The following SGPP2 variants were observed in gnomAD, a reference collection of about 807,000 sequenced individuals.
SGPP2 encodes sphingosine-1-phosphate phosphatase 2.
In SGPP2, 30 loss-of-function variants were observed where a neutral mutation model predicts 33.9. That is an observed-to-expected ratio of 0.89 (90% CI 0.66 to 1.20). The LOEUF (loss-of-function observed/expected upper bound fraction) is 1.20, where lower values mean the gene tolerates loss of function less well. Ranked by LOEUF, SGPP2 falls within the 50% of genes most tolerant of loss-of-function variation. SGPP2 has a pLI of 0.00. For missense variants in SGPP2, 458 were observed against 532.1 expected (o/e 0.86, Z 1.37); for synonymous variants, 233 against 225.0 (o/e 1.04, Z -0.32).
At chr2:222,432,793 G>A (rs1040437414) in intron 1 of SGPP2, among the ~76,000 whole-genome samples, 1 of 152,110 alleles carries the variant, frequency 6.6e-6, no homozygotes, top group Non-Finnish European at 1.5e-5. Flanking sequence ...AGGCAAAGGC[G>A]GGTGGATCAC....
At chr2:222,444,837 GT>G (rs1261819536) in intron 1 of SGPP2, among the ~76,000 whole-genome samples, 3 of 152,174 alleles carry the variant, frequency 2.0e-5, no homozygotes, top group East Asian at 1.9e-4. Flanking sequence ...AATCTTTGGA[GT>G]TTTTTTTATT....
At chr2:222,553,641 G>A (rs1426479724) in intron 4 of SGPP2, among the ~76,000 whole-genome samples, 1 of 152,200 alleles carries the variant, frequency 6.6e-6, no homozygotes, top group Non-Finnish European at 1.5e-5. Context: ...ATAACCATCA[G>A]GGCAGTGTGG....
rs536385497 is a variant in SGPP2, at chr2:222,520,699, C to G, written c.379-1068C>G. 1.2e-4 allele frequency among the ~76,000 whole-genome samples: 18 copies of G among 146,142 alleles called. No individual in the cohort carries two copies. In the Admixed American group the frequency reaches 1.3e-3, roughly 10 times the overall value. The stretch of plus-strand genomic sequence containing the variant: ...GTGCCGGGTGCAGTGTGCATTCCAG[C>G]CTGGGTGACAGAGTGAGACTCTGAA... On this transcript the variant is annotated intron_variant, in intron 2 of 4. Coordinates refer to ENST00000321276, the MANE Select transcript of SGPP2 (RefSeq NM_152386.4).
chr2:222,447,049 A>G (rs369359344), intron 1 of SGPP2, among the ~76,000 whole-genome samples: 16 of 152,200 alleles, frequency 1.1e-4, no homozygotes, highest in Admixed American at 5.2e-4. Context: ...CAGCTGCTCC[A>G]CAATATCATC....
At chr2:222,424,491 C>T (rs1409241741), upstream of SGPP2, 1 of 736,872 alleles carries the variant, frequency 1.4e-6, no homozygotes, top group Non-Finnish European at 1.8e-6. Context: ...CCCCGCCCGC[C>T]CGGCCTCCGC....
chr2:222,525,451 G>T (rs1037606157), intron 4 of SGPP2, among the ~76,000 whole-genome samples: 1 of 152,110 alleles, frequency 6.6e-6, no homozygotes, highest in African/African-American at 2.4e-5. Context: ...GCAAGGTAAG[G>T]GTCCCACCAG....
chr2:222,442,883 C>T (rs1697347364), intron 1 of SGPP2, among the ~76,000 whole-genome samples: 1 of 152,130 alleles, frequency 6.6e-6, no homozygotes, highest in South Asian at 2.1e-4. Context: ...AAGATTCAGA[C>T]CGCAAGCTCA....
chr2:222,497,684 T>C (rs1698303178), intron 2 of SGPP2, among the ~76,000 whole-genome samples: 2 of 152,232 alleles, frequency 1.3e-5, no homozygotes, highest in South Asian at 4.1e-4. Context: ...TACATTATTA[T>C]GTCAAGTGGT....
rs1462286161 is a variant in SGPP2 at position 222,551,067 on chromosome 2, A to G, written c.649-7280A>G. Among the ~76,000 whole-genome samples the G allele has an allele frequency of 2.6e-5, 4 of 152,232 alleles. No homozygotes were observed. The East Asian group carries it at 7.7e-4, about 29-fold the overall frequency. On this transcript the variant is annotated intron_variant, in intron 4 of 4. Transcript: ENST00000321276. ...AAAGTAAAGAATACTTATTCTCACC[A>G]TTTTTGCTCTCATGTCTTTCCCTTA...
At chr2:222,425,313 C>T (rs538587522) in intron 1 of SGPP2, among the ~76,000 whole-genome samples, 127 of 152,248 alleles carry the variant, frequency 8.3e-4, no homozygotes, top group African/African-American at 2.9e-3. Context: ...GGGCACAGAA[C>T]TTGGGGCTCA....
At chr2:222,474,522 G>A in intron 1 of SGPP2, 46 bp from the exon 2 acceptor site, 1 of 1,577,576 alleles carries the variant, frequency 6.3e-7, no homozygotes, top group Non-Finnish European at 8.7e-7. Flanking sequence ...TTTAAAACTT[G>A]ACATATTGCA....
intron 2 of SGPP2, chr2:222,503,957 G>A (rs746326325): frequency 6.6e-6 from 1 of 152,144 alleles, no homozygotes; most frequent in Non-Finnish European, 1.5e-5. Context: ...CAAAAAAACA[G>A]CTTGATTAAG....
In SGPP2 at chr2:222,462,727, G is replaced by C. The variant is rs374951248; in HGVS notation, c.220-11841G>C. ...GAATGTTCCAGAGGATTGTCTGAGG[G>C]GTGGGACAATGGCAGTTTTGATTTT... On this transcript the variant is annotated intron_variant, in intron 1 of 4. Transcript: ENST00000321276. 1.4e-4 allele frequency among the ~76,000 whole-genome samples: 22 copies of C among 152,218 alleles called. 1 individual carries two copies. Among genetic ancestry groups the C allele is most frequent in the African/African-American group, 5.3e-4 (22 of 41,522 alleles).
In SGPP2 at chr2:222,502,996, G is replaced by A. The variant is rs150565502; in HGVS notation, c.379-18771G>A. On this transcript the variant is annotated intron_variant, in intron 2 of 4. Transcript: ENST00000321276. ...GTCTTCGTTTTAGGCTGGTTGTTAAGTAATGTATAACTGGTTTATTTCTAA... is the reference window on the plus strand; with the variant it reads ...GTCTTCGTTTTAGGCTGGTTGTTAAATAATGTATAACTGGTTTATTTCTAA... 4.9e-3 allele frequency among the ~76,000 whole-genome samples: 740 copies of A among 152,326 alleles called. 5 individuals carry two copies. The highest frequency in any genetic ancestry group is 8.0e-3 in the Non-Finnish European group (543 of 68,024).
intron 3 of SGPP2, among the ~76,000 whole-genome samples, chr2:222,522,705 C>G (rs1322039414): frequency 1.3e-5 from 2 of 150,658 alleles, no homozygotes; most frequent in Non-Finnish European, 2.9e-5. Flanking sequence ...GATTTTAAGA[C>G]AGGGTCTCTG....
chr2:222,474,532 A>G, intron 1 of SGPP2, 36 bp from the exon 2 acceptor site: 1 of 1,598,572 alleles, frequency 6.3e-7, no homozygotes. Context: ...GACATATTGC[A>G]TGAACTCACA....
chr2:222,446,520 C>G (rs992204827), intron 1 of SGPP2, among the ~76,000 whole-genome samples: 1 of 152,178 alleles, frequency 6.6e-6, no homozygotes, highest in African/African-American at 2.4e-5. Flanking sequence ...TTATATCCAT[C>G]TTTAATAAAA....
At chr2:222,487,836 G>A (rs1698135796) in intron 2 of SGPP2, among the ~76,000 whole-genome samples, 1 of 152,102 alleles carries the variant, frequency 6.6e-6, no homozygotes, top group African/African-American at 2.4e-5. Context: ...TATATAGCAT[G>A]TCACTTAACA....
rs114404830 is a variant in SGPP2 at position 222,525,512 on chromosome 2, C to T, written c.648+479C>T. 8.0e-3 allele frequency among the ~76,000 whole-genome samples: 1,220 copies of T among 152,274 alleles called. 14 individuals are homozygous for T. The highest frequency in any genetic ancestry group is 0.028 in the African/African-American group (1,165 of 41,558). On this transcript the variant is annotated intron_variant, in intron 4 of 4. Coordinates refer to ENST00000321276, the MANE Select transcript of SGPP2 (RefSeq NM_152386.4). ...TTGCTTCCTTCCATACTGTTTTAGG[C>T]TGGAGGCAGTGGTGGGAACAGAGTC...
Sources: gnomAD v4.1 joint callset for allele counts (sites outside exome capture counted in the v4.1 genomes callset) on GRCh38, gnomAD v4.1.1 for gene constraint, MANE v1.5 for transcripts, NCBI Gene and HGNC (gene_info 2026-07-23, HGNC 2026-07-21) for gene names.